MYO10: variants seen among roughly 807,000 people sequenced by gnomAD.
The protein encoded by MYO10 is myosin X, also known as unconventional myosin-X.
Under a neutral mutation model 257.3 loss-of-function variants are expected in MYO10, and 133 were observed. That is an observed-to-expected ratio of 0.52 (90% CI 0.45 to 0.60). The LOEUF is 0.60. Ranked by LOEUF, MYO10 falls within the 20% of genes least tolerant of loss-of-function variation. The probability of loss-of-function intolerance (pLI) is 0.00; values close to 1 mark genes in which losing one functional copy is unlikely to be tolerated. For synonymous variants in MYO10, 1,104 were observed against 1,028.6 expected (o/e 1.07, Z -1.40); for missense variants, 2,399 against 2,635.7 (o/e 0.91, Z 1.97).
chr5:16,762,967 GGA>G (rs1740763406), intron 14 of MYO10, among the ~76,000 whole-genome samples: 1 of 124,676 alleles, frequency 8.0e-6, no homozygotes, highest in African/African-American at 3.2e-5. Context: ...CCGTCTCAGG[GGA>G]AAAAAAAAAA....
At chr5:16,772,413 G>A (rs1201886682) in intron 9 of MYO10, among the ~76,000 whole-genome samples, 1 of 152,216 alleles carries the variant, frequency 6.6e-6, no homozygotes, top group Non-Finnish European at 1.5e-5. Context: ...GATTATAGGC[G>A]TGAGCCACGG....
chr5:16,730,364 C>T (rs1047481794), intron 19 of MYO10, among the ~76,000 whole-genome samples: 2 of 152,092 alleles, frequency 1.3e-5, no homozygotes, highest in African/African-American at 4.8e-5. Context: ...TGTGACATAC[C>T]GGTACAGTCT....
intron 19 of MYO10, among the ~76,000 whole-genome samples, chr5:16,723,956 ATG>A (rs1489895608): frequency 6.6e-6 from 1 of 152,210 alleles, no homozygotes; most frequent in African/African-American, 2.4e-5. Flanking sequence ...CGGGGGAAGG[ATG>A]AAGAACTAAA....
intron 1 of MYO10, among the ~76,000 whole-genome samples, chr5:16,923,350 G>A (rs1459750158): frequency 1.3e-5 from 2 of 150,418 alleles, no homozygotes; most frequent in East Asian, 4.0e-4. Flanking sequence ...GCAGTGGCAC[G>A]ATCTCAGCTC....
intron 2 of MYO10, among the ~76,000 whole-genome samples, chr5:16,867,200 T>C (rs954374912): frequency 2.5e-4 from 38 of 152,320 alleles, no homozygotes; most frequent in Non-Finnish European, 4.4e-4. Context: ...CCACTTCCCT[T>C]CAGCACTCAG....
At chr5:16,708,562 C>T (rs1002185118) in intron 21 of MYO10, among the ~76,000 whole-genome samples, 3 of 152,102 alleles carry the variant, frequency 2.0e-5, no homozygotes, top group African/African-American at 7.2e-5. Context: ...ATAGAGAATG[C>T]AATTTCTTTT....
chr5:16,725,024 G>T (rs1217942813), intron 19 of MYO10, among the ~76,000 whole-genome samples: 1 of 145,402 alleles, frequency 6.9e-6, no homozygotes, highest in Admixed American at 6.9e-5. Flanking sequence ...TTACCTAACA[G>T]AATCTTAGAG....
chr5:16,935,655 G>A (rs949577133), intron 1 of MYO10, 133 bp downstream of exon 1: 4 of 993,716 alleles, frequency 4.0e-6, no homozygotes, highest in Non-Finnish European at 6.2e-6. Flanking sequence ...GGGGATGGGG[G>A]GTGATTTCAG....
rs779050631 is a variant in MYO10, at chr5:16,666,809, C to T, written c.6076-16G>A. Reference sequence around the variant, plus strand: ...CATCCACCACCTGCCCAGGGGGAAGCAGAACCGACACAGCGTCACAAGTCT... The same window carrying T: ...CATCCACCACCTGCCCAGGGGGAAGTAGAACCGACACAGCGTCACAAGTCT... On this transcript the variant is annotated splice_polypyrimidine_tract_variant and intron_variant, in intron 40 of 40. Transcript: ENST00000513610. The T allele has an allele frequency of 5.1e-6, 8 of 1,576,974 alleles. No individual in the cohort carries two copies. The East Asian group carries it at 1.8e-4, about 36-fold the overall frequency.
In MYO10 at chr5:16,670,874, G is replaced by T; in HGVS notation, c.5535C>A (p.His1845Gln). 1.2e-6 allele frequency: 2 copies of T among 1,613,954 alleles called. No individual in the cohort carries two copies. Among genetic ancestry groups the T allele is most frequent in the African/African-American group, 1.3e-5 (1 of 75,044 alleles). ...CCTCTTCGAGAGGTGGGATGGCAGC[G>T]TGCAGAGTATAATCCCCCTGCAGAT... ...LQYLQGDYTL[H>Q]AAIPPLEEVY... is the part of the protein sequence containing the mutation. The change falls in exon 39 of 41, where the codon CAC (histidine) becomes CAA (glutamine). Residue 1845 changes from histidine (H) to glutamine (Q), a missense_variant. Physicochemically the swap from His to Gln is conservative, Grantham distance 24 (BLOSUM62 0). This residue lies in a region of MYO10 where 1,820 missense variants were observed against 1,939.4 expected (regional missense o/e 0.94). Transcript: ENST00000513610.
Position 16,681,521 on chromosome 5 carries a change from A to G in MYO10, c.4190-18T>C. The G allele has an allele frequency of 6.3e-7, 1 of 1,590,364 alleles. No homozygotes were observed. The highest frequency in any genetic ancestry group is 1.1e-5 in the South Asian group (1 of 87,174). On this transcript the variant is annotated intron_variant, in intron 31 of 40. Coordinates refer to ENST00000513610, the MANE Select transcript of MYO10 (RefSeq NM_012334.3). Reference sequence around the variant, plus strand: ...CAACCATCCTGGAAAAAAAGATTAAAGTGTAAATTAAAATCTGTGAGGAGA... The same window carrying G: ...CAACCATCCTGGAAAAAAAGATTAAGGTGTAAATTAAAATCTGTGAGGAGA...
intron 27 of MYO10, among the ~76,000 whole-genome samples, chr5:16,692,759 A>G (rs971584276): frequency 1.4e-5 from 2 of 147,898 alleles, no homozygotes; most frequent in Non-Finnish European, 3.0e-5. Flanking sequence ...GTTTTCCATA[A>G]TAACTCACTG....
At chr5:16,846,561 A>G (rs1743641253) in intron 2 of MYO10, among the ~76,000 whole-genome samples, 2 of 152,230 alleles carry the variant, frequency 1.3e-5, no homozygotes, top group Admixed American at 6.5e-5. Context: ...TGTCAAAAAT[A>G]GTTGAAACCG....
At chr5:16,795,100 C>A (rs1485534964) in intron 3 of MYO10, among the ~76,000 whole-genome samples, 1 of 152,210 alleles carries the variant, frequency 6.6e-6, no homozygotes, top group African/African-American at 2.4e-5. Context: ...GGCCCAGATC[C>A]CTGCTCCCCG....
chr5:16,886,069 C>T (rs1302413917), intron 1 of MYO10, among the ~76,000 whole-genome samples: 1 of 152,208 alleles, frequency 6.6e-6, no homozygotes, highest in Non-Finnish European at 1.5e-5. Context: ...AGCTGGCAAT[C>T]ATTTCTGAAG....
intron 2 of MYO10, among the ~76,000 whole-genome samples, chr5:16,846,824 A>G (rs2126731904): frequency 6.6e-6 from 1 of 152,368 alleles, no homozygotes; most frequent in South Asian, 2.1e-4. Context: ...CAGGGCATTA[A>G]AAGTTATTTA....
chr5:16,797,505 TACTC>T (rs1480770641), intron 3 of MYO10, among the ~76,000 whole-genome samples: 1 of 151,874 alleles, frequency 6.6e-6, no homozygotes, highest in African/African-American at 2.4e-5. Context: ...CGAAAGAAAA[TACTC>T]AAACACTTGT....
At chr5:16,801,095 C>A (rs1742105908) in intron 3 of MYO10, among the ~76,000 whole-genome samples, 2 of 152,168 alleles carry the variant, frequency 1.3e-5, no homozygotes, top group Middle Eastern at 3.2e-3. Flanking sequence ...TAGCTTTAAA[C>A]TGAACCATGA....
chr5:16,793,459 A>C (rs1741831526), intron 4 of MYO10, among the ~76,000 whole-genome samples: 1 of 151,970 alleles, frequency 6.6e-6, no homozygotes, highest in South Asian at 2.1e-4. Context: ...AAGTAGCTGG[A>C]ACTATAGGCA....
Sources: allele counts gnomAD v4.1 joint callset (sites outside exome capture counted in the v4.1 genomes callset), GRCh38; gene constraint gnomAD v4.1.1; regional missense constraint gnomAD v4.1.1; transcripts MANE v1.5; gene names NCBI Gene and HGNC (gene_info 2026-07-23, HGNC 2026-07-21).